The following ADAM7 variants were observed in gnomAD, a reference collection of about 807,000 sequenced individuals.
The protein encoded by ADAM7 is disintegrin and metalloproteinase domain-containing protein 7.
Under a neutral mutation model 102.9 loss-of-function variants are expected in ADAM7, and 97 were observed. The ratio of observed to expected loss-of-function variants is 0.94; its 90% CI spans 0.80 to 1.12. The LOEUF (loss-of-function observed/expected upper bound fraction) is 1.12, where lower values mean the gene tolerates loss of function less well. Among genes scored for constraint, ADAM7 ranks in the 50% most tolerant of loss-of-function variants. ADAM7 has a pLI of 0.00. For synonymous variants in ADAM7, 334 were observed against 304.4 expected, an observed-to-expected ratio of 1.10 and a Z score of -1.01; for missense variants, 991 against 908.7, an observed-to-expected ratio of 1.09 and a Z score of -1.16.
intron 6 of ADAM7, 103 bp downstream of exon 6, chr8:24,467,091 A>G: frequency 8.8e-7 from 1 of 1,133,464 alleles, no homozygotes; most frequent in Non-Finnish European, 1.3e-6. Flanking sequence ...TATATGTGCT[A>G]CTTTCAGTCT....
chr8:24,493,417 C>G (rs1820438751), intron 16 of ADAM7, among the ~76,000 whole-genome samples, 188 bp downstream of exon 16: 1 of 152,088 alleles, frequency 6.6e-6, no homozygotes, highest in African/African-American at 2.4e-5. Context: ...TAATTTTAGT[C>G]ATGCCAAATG....
chr8:24,468,833 T>C lies in ADAM7; in HGVS notation c.633+13T>C, dbSNP rs201164797. On this transcript the variant is annotated intron_variant, in intron 7 of 21. Coordinates refer to ENST00000175238, the MANE Select transcript of ADAM7 (RefSeq NM_003817.4). ...TGATGATACTGTGGTAAGTTTTCAA[T>C]AGAACATTTCTCTCTTTATTCTTCC... The C allele has an allele frequency of 4.4e-6, 7 of 1,605,608 alleles. No homozygotes were observed. Among genetic ancestry groups the C allele is most frequent in the Middle Eastern group, 1.7e-4 (1 of 6,034 alleles).
At chr8:24,472,119 T>TAA (rs1819625722) in intron 7 of ADAM7, among the ~76,000 whole-genome samples, 1 of 85,838 alleles carries the variant, frequency 1.2e-5, no homozygotes, top group African/African-American at 5.1e-5. Flanking sequence ...TATAAAAAGA[T>TAA]AACAAAAAAA....
At chr8:24,489,391 G>A in intron 12 of ADAM7, 58 bp downstream of exon 12, 7 of 1,486,046 alleles carry the variant, frequency 4.7e-6, no homozygotes, top group Non-Finnish European at 5.4e-6. Flanking sequence ...TAGAACCTAG[G>A]CAGGGATGTG....
chr8:24,481,408 T>C (rs1359661672), intron 8 of ADAM7, among the ~76,000 whole-genome samples: 1 of 152,222 alleles, frequency 6.6e-6, no homozygotes, highest in Admixed American at 6.5e-5. Context: ...TCAGTGTTGA[T>C]AGTTTATCAT....
rs200526194 is a variant in ADAM7, at chr8:24,466,869, T to A, written c.460T>A (p.Leu154Met). 7 of 1,614,050 alleles carry A rather than the reference T, an allele frequency of 4.3e-6. No homozygotes were observed. The highest frequency in any genetic ancestry group is 5.9e-6 in the Non-Finnish European group (7 of 1,179,934). The change falls in exon 6 of 22, where the codon TTG (leucine) becomes ATG (methionine). Residue 154 changes from leucine to methionine, a missense_variant. By Grantham distance (15) the Leu-to-Met change is conservative. Coordinates refer to ENST00000175238, the MANE Select transcript of ADAM7 (RefSeq NM_003817.4). Reference protein sequence around the residue: ...PVKYSDEGEHLVFKYNLRVPY... With the variant: ...PVKYSDEGEHMVFKYNLRVPY... Reference sequence around the variant, plus strand: ...GAAATACTCAGATGAGGGAGAACATTTGGTGTTCAAATATAACCTGAGGGT... The same window carrying A: ...GAAATACTCAGATGAGGGAGAACATATGGTGTTCAAATATAACCTGAGGGT...
intron 18 of ADAM7, 77 bp from the exon 19 acceptor site, chr8:24,500,713 C>A: frequency 1.7e-6 from 2 of 1,161,426 alleles, no homozygotes; most frequent in South Asian, 1.4e-5. Context: ...AGCATTGTAA[C>A]AGCTCCATTA....
intron 7 of ADAM7, among the ~76,000 whole-genome samples, chr8:24,474,010 C>T (rs574343406): frequency 3.5e-4 from 54 of 152,136 alleles, no homozygotes; most frequent in Admixed American, 1.2e-3. Flanking sequence ...TCAGTATAAA[C>T]ATTAAACTTA....
rs956385430 is a variant in ADAM7, at chr8:24,490,636, A to T, written c.1267-163A>T. ...GAGAAGGAGAAATAGTTAAAGTCCC[A>T]AATACCCGTTCTAAACAGTAATCTT... On this transcript the variant is annotated intron_variant, in intron 12 of 21. Transcript: ENST00000175238. 6.2e-6 allele frequency: 4 copies of T among 641,280 alleles called. No homozygotes were observed. The Admixed American group carries it at 1.2e-4, about 20-fold the overall frequency. The allele number at this position is 641,280 out of a possible 1,614,324, so 39.7% of individuals were successfully genotyped here. A position where few individuals can be genotyped will look rare whatever the true frequency, so the allele number is the denominator to read the frequency against.
At chr8:24,489,019 T>G in intron 11 of ADAM7, 140 bp from the exon 12 acceptor site, 1 of 680,568 alleles carries the variant, frequency 1.5e-6, no homozygotes, top group Non-Finnish European at 2.2e-6. Context: ...TTTTCTATAA[T>G]AAAGGACCCA....
At chr8:24,464,258 T>C (rs1819350063) in intron 4 of ADAM7, among the ~76,000 whole-genome samples, 1 of 152,134 alleles carries the variant, frequency 6.6e-6, no homozygotes, top group African/African-American at 2.4e-5. Context: ...ACACCAAAAA[T>C]ATAAGGCACC....
intron 7 of ADAM7, among the ~76,000 whole-genome samples, chr8:24,470,549 C>A (rs1406857639): frequency 6.6e-6 from 1 of 151,512 alleles, no homozygotes; most frequent in Non-Finnish European, 1.5e-5. Flanking sequence ...CAGTCATGCA[C>A]CACATAACAA....
chr8:24,507,342 A>AT, intron 20 of ADAM7, 138 bp from the exon 21 acceptor site: 1 of 637,366 alleles, frequency 1.6e-6, no homozygotes, highest in Non-Finnish European at 2.8e-6. Flanking sequence ...ACTGTCTTGG[A>AT]TTTTTCATGG....
chr8:24,471,071 T>G (rs978443795), intron 7 of ADAM7, among the ~76,000 whole-genome samples: 1 of 151,996 alleles, frequency 6.6e-6, no homozygotes, highest in African/African-American at 2.4e-5. Flanking sequence ...GTTTTTGTCT[T>G]AGCTTTTAAC....
intron 7 of ADAM7, among the ~76,000 whole-genome samples, chr8:24,472,122 CAAAA>C (rs55708871): frequency 1.9e-5 from 2 of 102,772 alleles, no homozygotes; most frequent in African/African-American, 6.6e-5. Flanking sequence ...AAAAAGATAA[CAAAA>C]AAAAAAAAAA....
intron 19 of ADAM7, among the ~76,000 whole-genome samples, 184 bp from the exon 20 acceptor site, chr8:24,501,293 A>G (rs895740568): frequency 2.6e-5 from 4 of 152,148 alleles, no homozygotes; most frequent in Non-Finnish European, 5.9e-5. Flanking sequence ...ACATCACTGA[A>G]GATTGTACAA....
chr8:24,446,154 C>A (rs1431721656), intron 2 of ADAM7, among the ~76,000 whole-genome samples: 1 of 152,060 alleles, frequency 6.6e-6, no homozygotes, highest in African/African-American at 2.4e-5. Flanking sequence ...GTATGACCAA[C>A]AACTGTGAAT....
At chr8:24,465,260 G>T (rs941227052) in intron 4 of ADAM7, among the ~76,000 whole-genome samples, 1 of 152,074 alleles carries the variant, frequency 6.6e-6, no homozygotes, top group African/African-American at 2.4e-5. Flanking sequence ...GGAAATGATG[G>T]GAAAAATAAT....
At chr8:24,466,437 A>T (rs1371208076) in intron 5 of ADAM7, among the ~76,000 whole-genome samples, 1 of 152,204 alleles carries the variant, frequency 6.6e-6, no homozygotes, top group East Asian at 1.9e-4. Context: ...TTTTACTTTC[A>T]TATATTTACT....
Sources: allele counts gnomAD v4.1 joint callset (sites outside exome capture counted in the v4.1 genomes callset), GRCh38; gene constraint gnomAD v4.1.1; transcripts MANE v1.5; gene names NCBI Gene and HGNC (gene_info 2026-07-23, HGNC 2026-07-21).